Variants in PRKG1 observed in about 807,000 individuals in gnomAD.
The protein encoded by PRKG1 is protein kinase cGMP-dependent 1, also known as cGMP-dependent protein kinase 1.
A neutral mutation model predicts 88.1 loss-of-function variants in PRKG1; 35 were observed. That is an observed-to-expected ratio of 0.40 (90% CI 0.30 to 0.53). The LOEUF (loss-of-function observed/expected upper bound fraction) is 0.53. Ranked by LOEUF, PRKG1 falls within the 20% of genes least tolerant of loss-of-function variation. PRKG1 has a pLI of 0.59. For synonymous variants in PRKG1, 303 were observed against 292.5 expected (o/e 1.04, Z -0.37); for missense variants, 540 against 839.8 (o/e 0.64, Z 4.41).
intron 3 of PRKG1, among the ~76,000 whole-genome samples, chr10:51,769,413 A>G (rs1156520644): frequency 6.6e-6 from 1 of 152,200 alleles, no homozygotes; most frequent in Admixed American, 6.5e-5. Flanking sequence ...ATAAAATTAT[A>G]CTTTTTCTTT....
intron 4 of PRKG1, among the ~76,000 whole-genome samples, chr10:51,895,534 G>A (rs755517804): frequency 6.6e-6 from 1 of 152,280 alleles, no homozygotes; most frequent in South Asian, 2.1e-4. Context: ...TGTGTTTGGA[G>A]TGGACTGATT....
chr10:51,638,060 T>C (rs1406101322), intron 3 of PRKG1, among the ~76,000 whole-genome samples: 15 of 152,294 alleles, frequency 9.8e-5, no homozygotes, highest in African/African-American at 3.4e-4. Context: ...TAAGTAAGCA[T>C]TGTAGGTCTT....
intron 3 of PRKG1, among the ~76,000 whole-genome samples, chr10:51,618,636 G>A (rs1354237480): frequency 6.6e-6 from 1 of 152,096 alleles, no homozygotes; most frequent in Non-Finnish European, 1.5e-5. Flanking sequence ...AAGAAAGTCT[G>A]GACTTAACAA....
chr10:51,675,004 G>A (rs1194404587), intron 3 of PRKG1, among the ~76,000 whole-genome samples: 1 of 152,144 alleles, frequency 6.6e-6, no homozygotes, highest in African/African-American at 2.4e-5. Flanking sequence ...TGGGTATGAA[G>A]CAAATGTTAC....
At chr10:51,281,958 G>T (rs1840311002) in intron 2 of PRKG1, among the ~76,000 whole-genome samples, 1 of 152,134 alleles carries the variant, frequency 6.6e-6, no homozygotes, top group African/African-American at 2.4e-5. Flanking sequence ...TTTCATAGTG[G>T]TGCTGGGGTA....
chr10:51,976,973 T>A (rs893396210), intron 5 of PRKG1, among the ~76,000 whole-genome samples: 1 of 152,006 alleles, frequency 6.6e-6, no homozygotes, highest in Non-Finnish European at 1.5e-5. Context: ...AATGCTTTGT[T>A]TTTTTACTTT....
chr10:52,283,178 T>C (rs183878272), intron 14 of PRKG1, among the ~76,000 whole-genome samples: 3 of 152,198 alleles, frequency 2.0e-5, no homozygotes, highest in South Asian at 4.1e-4. Context: ...GGTTGAGTGA[T>C]GTGTGTTGTG....
At chr10:51,699,011 C>T (rs1223806288) in intron 3 of PRKG1, 1 of 1,614,238 alleles carries the variant, frequency 6.2e-7, no homozygotes, top group Admixed American at 1.7e-5. Context: ...ATCCATGATT[C>T]TCATCACTAC....
intron 1 of PRKG1, among the ~76,000 whole-genome samples, chr10:51,140,183 A>G (rs989896218): frequency 6.6e-6 from 1 of 152,234 alleles, no homozygotes; most frequent in Non-Finnish European, 1.5e-5. Flanking sequence ...CATGCTAAGT[A>G]GATCTTCCCC....
Position 52,118,263 on chromosome 10 carries a change from A to C in PRKG1, c.936-15577A>C, listed in dbSNP as rs184261692. ...TTCCTTGTCTGTGAACTGACTGTTC[A>C]TGTCTTTTTCTTACTTTTTAATCGG... On this transcript the variant is annotated intron_variant, in intron 7 of 17. Transcript: ENST00000373980. Among the ~76,000 whole-genome samples, 229 of 152,074 alleles carry C rather than the reference A, an allele frequency of 1.5e-3. 1 individual carries two copies. The highest frequency in any genetic ancestry group is 0.01 in the Middle Eastern group (3 of 292).
In PRKG1 at chr10:51,838,887, C is replaced by T. The variant is rs1840196756; in HGVS notation, c.698+34197C>T. 2.0e-5 allele frequency among the ~76,000 whole-genome samples: 3 copies of T among 152,130 alleles called. No individual in the cohort carries two copies. In the South Asian group the frequency reaches 6.2e-4, roughly 31 times the overall value. On this transcript the variant is annotated intron_variant, in intron 4 of 17. Coordinates refer to ENST00000373980, the MANE Select transcript of PRKG1 (RefSeq NM_006258.4). ...TAAGTGCTGAGATAGACCAATTTTTCCAGCCAAAACTGGGACTTATTACTG... is the reference window on the plus strand; with the variant it reads ...TAAGTGCTGAGATAGACCAATTTTTTCAGCCAAAACTGGGACTTATTACTG...
intron 4 of PRKG1, among the ~76,000 whole-genome samples, chr10:51,848,792 C>G (rs1373463477): frequency 6.6e-6 from 1 of 151,788 alleles, no homozygotes; most frequent in East Asian, 1.9e-4. Flanking sequence ...CAGGTACAAG[C>G]CACTTCTCAG....
intron 9 of PRKG1, among the ~76,000 whole-genome samples, chr10:52,228,251 T>G (rs998906206): frequency 6.7e-5 from 10 of 148,602 alleles, no homozygotes; most frequent in Non-Finnish European, 1.3e-4. Flanking sequence ...AATCCAAAAA[T>G]ATTCTGATTT....
rs903830980 is a variant in PRKG1, at chr10:52,295,834, T to G, written c.*1934T>G. ...ATTCTTAAAATTTTGGAGGATAAAATGAAAAGGGTATAAACTTCAATTAGA... is the reference window on the plus strand; with the variant it reads ...ATTCTTAAAATTTTGGAGGATAAAAGGAAAAGGGTATAAACTTCAATTAGA... On this transcript the variant is annotated 3_prime_UTR_variant, in exon 18 of 18. Coordinates refer to ENST00000373980, the MANE Select transcript of PRKG1 (RefSeq NM_006258.4). 6.6e-6 allele frequency: 1 copy of G among 151,932 alleles called. No homozygotes were observed. Among genetic ancestry groups the G allele is most frequent in the Non-Finnish European group, 1.5e-5 (1 of 67,898 alleles). The allele number at this position is 151,932 out of a possible 1,614,324, so 9.4% of individuals were successfully genotyped here.
rs1839583280 is a variant in PRKG1, at chr10:51,257,149, G to A, written c.478+103819G>A. On this transcript the variant is annotated intron_variant, in intron 2 of 17. Transcript: ENST00000373980. ...AATGATGGCATCATTAACTGAAATAGCAAAGTTCAGAGAAGGGTTTTTTTT... is the reference window on the plus strand; with the variant it reads ...AATGATGGCATCATTAACTGAAATAACAAAGTTCAGAGAAGGGTTTTTTTT... 3.4e-5 allele frequency among the ~76,000 whole-genome samples: 5 copies of A among 149,162 alleles called. No homozygotes were observed. The South Asian group carries it at 8.4e-4, about 25-fold the overall frequency.
intron 4 of PRKG1, among the ~76,000 whole-genome samples, chr10:51,880,079 A>G (rs1055656604): frequency 1.4e-4 from 22 of 152,360 alleles, no homozygotes; most frequent in African/African-American, 5.3e-4. Flanking sequence ...CACCTTTTAC[A>G]TCAGAAAGAG....
chr10:51,027,121 G>C (rs952315356), intron 1 of PRKG1, among the ~76,000 whole-genome samples: 2 of 152,154 alleles, frequency 1.3e-5, no homozygotes, highest in Admixed American at 6.6e-5. Context: ...TGACTGCAGA[G>C]CGTCAAACCA....
At chr10:51,760,642 T>A (rs1382780012) in intron 3 of PRKG1, among the ~76,000 whole-genome samples, 2 of 151,992 alleles carry the variant, frequency 1.3e-5, no homozygotes. Context: ...CAGCTAATTT[T>A]TATATTTTTA....
chr10:52,296,548 C>A lies in PRKG1; in HGVS notation c.*2648C>A, dbSNP rs913863402. On this transcript the variant is annotated 3_prime_UTR_variant, in exon 18 of 18. Coordinates refer to ENST00000373980, the MANE Select transcript of PRKG1 (RefSeq NM_006258.4). ...GGTCAGTTCCATAAAATGCATCTCA[C>A]TTTATTTCTGAATTTTTCACAACCC... The A allele has an allele frequency of 6.6e-6, 1 of 152,024 alleles. No homozygotes were observed. The highest frequency in any genetic ancestry group is 2.4e-5 in the African/African-American group (1 of 41,414). 9.4% of individuals were successfully genotyped at this position (152,024 alleles called of 1,614,324 possible). A position where few individuals can be genotyped will look rare whatever the true frequency, so the allele number is the denominator to read the frequency against.
Sources: allele counts gnomAD v4.1 joint callset (sites outside exome capture counted in the v4.1 genomes callset), GRCh38; gene constraint gnomAD v4.1.1; transcripts MANE v1.5; gene names NCBI Gene and HGNC (gene_info 2026-07-23, HGNC 2026-07-21).